Variants in PUM1 observed in about 807,000 individuals in gnomAD.
PUM1 encodes pumilio RNA binding family member 1, also known as pumilio homolog 1.
In PUM1, 13 loss-of-function variants were observed where a neutral mutation model predicts 131.8. The ratio of observed to expected loss-of-function variants is 0.10; its 90% CI spans 0.06 to 0.16. PUM1 has a LOEUF of 0.16. PUM1 is among the 10% of genes least tolerant of loss of function. The pLI, the probability that PUM1 is intolerant of heterozygous loss-of-function variation, is 1.00. For synonymous variants in PUM1, 509 were observed against 556.5 expected, an observed-to-expected ratio of 0.91 and a Z score of 1.20; for missense variants, 961 against 1,512.4, an observed-to-expected ratio of 0.64 and a Z score of 6.05.
chr1:30,970,970 CAG>C (rs1640852917), intron 10 of PUM1, among the ~76,000 whole-genome samples: 1 of 152,098 alleles, frequency 6.6e-6, no homozygotes, highest in African/African-American at 2.4e-5. Context: ...GGAAGGAAAA[CAG>C]TGTTAGCTTT....
chr1:30,978,111 G>A (rs1362734752), intron 9 of PUM1, among the ~76,000 whole-genome samples: 1 of 152,160 alleles, frequency 6.6e-6, no homozygotes, highest in African/African-American at 2.4e-5. Flanking sequence ...CAGGCGTGGT[G>A]GTGGGTGCCT....
intron 1 of PUM1, 25 bp from the exon 2 acceptor site, chr1:31,059,602 T>C (rs1221272046): frequency 6.5e-7 from 1 of 1,544,552 alleles, no homozygotes; most frequent in Non-Finnish European, 8.7e-7. Flanking sequence ...GTTACAAATA[T>C]TTAATATTTC....
At chr1:31,031,629 G>C (rs551233380) in intron 2 of PUM1, among the ~76,000 whole-genome samples, 2 of 152,268 alleles carry the variant, frequency 1.3e-5, no homozygotes, top group South Asian at 4.1e-4. Flanking sequence ...GGCAGTCAAA[G>C]GAAGTTTCCA....
At chr1:30,963,712 C>A (rs1640513358) in intron 14 of PUM1, among the ~76,000 whole-genome samples, 1 of 152,184 alleles carries the variant, frequency 6.6e-6, no homozygotes, top group South Asian at 2.1e-4. Context: ...TGGTTAAGAA[C>A]AGAATCTTCT....
intron 14 of PUM1, among the ~76,000 whole-genome samples, chr1:30,956,287 G>A (rs764718969): frequency 2.0e-5 from 3 of 150,960 alleles, no homozygotes; most frequent in East Asian, 1.9e-4. Flanking sequence ...TTTTTGAGAC[G>A]GAGTCTTGCT....
chr1:31,017,244 C>T (rs903076993), intron 3 of PUM1, among the ~76,000 whole-genome samples: 2 of 152,134 alleles, frequency 1.3e-5, no homozygotes, highest in African/African-American at 4.8e-5. Flanking sequence ...AAACCAGAGT[C>T]AAACGGACAC....
chr1:31,024,583 A>C (rs1202885294), intron 3 of PUM1, among the ~76,000 whole-genome samples: 1 of 152,240 alleles, frequency 6.6e-6, no homozygotes, highest in Non-Finnish European at 1.5e-5. Context: ...TTGTTGTAGA[A>C]ATAAGCTAGT....
At chr1:31,035,258 T>A (rs1441337756) in intron 2 of PUM1, among the ~76,000 whole-genome samples, 2 of 152,002 alleles carry the variant, frequency 1.3e-5, no homozygotes, top group African/African-American at 2.4e-5. Flanking sequence ...CCAGGCATGA[T>A]GGCACATGCC....
At chr1:30,984,443 C>A (rs1009374323) in intron 7 of PUM1, among the ~76,000 whole-genome samples, 1 of 152,116 alleles carries the variant, frequency 6.6e-6, no homozygotes, top group Non-Finnish European at 1.5e-5. Flanking sequence ...ACAAAGCAAG[C>A]GAATATCCCA....
chr1:30,968,324 A>G (rs763792726), intron 11 of PUM1, 30 bp downstream of exon 11: 2 of 1,587,628 alleles, frequency 1.3e-6, no homozygotes, highest in South Asian at 1.1e-5. Flanking sequence ...TTTCCCTGCC[A>G]AAGTATTAGG....
intron 5 of PUM1, among the ~76,000 whole-genome samples, chr1:31,000,041 C>T (rs1360848146): frequency 6.6e-6 from 1 of 152,208 alleles, no homozygotes; most frequent in African/African-American, 2.4e-5. Flanking sequence ...GCTGGGCCCA[C>T]CCTCTGCACC....
intron 2 of PUM1, among the ~76,000 whole-genome samples, chr1:31,033,620 C>T (rs1643512425): frequency 6.6e-6 from 1 of 152,068 alleles, no homozygotes; most frequent in African/African-American, 2.4e-5. Context: ...TCCAGCATGG[C>T]CTCCTAAAGT....
At chr1:31,057,638 T>C (rs1288177368) in intron 2 of PUM1, among the ~76,000 whole-genome samples, 1 of 146,990 alleles carries the variant, frequency 6.8e-6, no homozygotes, top group African/African-American at 2.5e-5. Context: ...GGCAGGAGAA[T>C]TGCTTAAACC....
intron 3 of PUM1, among the ~76,000 whole-genome samples, chr1:31,026,888 G>A (rs1300472516): frequency 2.1e-5 from 3 of 140,534 alleles, no homozygotes; most frequent in Non-Finnish European, 3.0e-5. Flanking sequence ...GGAATATACT[G>A]TTTTGTTATT....
chr1:31,023,114 C>T (rs1643094340), intron 3 of PUM1, among the ~76,000 whole-genome samples: 1 of 151,056 alleles, frequency 6.6e-6, no homozygotes, highest in South Asian at 2.1e-4. Context: ...GTTGAGGTTG[C>T]AGTGAGCTGA....
intron 8 of PUM1, among the ~76,000 whole-genome samples, chr1:30,980,742 C>T (rs1396898303): frequency 1.3e-5 from 2 of 152,046 alleles, no homozygotes; most frequent in African/African-American, 4.8e-5. Flanking sequence ...TCTACTTCTA[C>T]TTGTTTATAC....
At position 30,981,648 on chromosome 1, in the gene PUM1, A is replaced by G. The variant is rs117300729; in HGVS notation, c.1159-243T>C. ...CCATGAGCTGACCGCTTCACAGATT[A>G]TATGTCCCCTGAACCACAAATACAC... is the stretch of plus-strand genomic sequence containing the variant. On this transcript the variant is annotated intron_variant, in intron 7 of 21. Coordinates refer to ENST00000426105, the MANE Select transcript of PUM1 (RefSeq NM_001020658.2). 1.4e-3 allele frequency among the ~76,000 whole-genome samples: 208 copies of G among 151,408 alleles called. 2 individuals are homozygous for G. In the East Asian group the frequency reaches 0.039, roughly 28 times the overall value.
chr1:31,038,075 T>C (rs1570325991), intron 2 of PUM1, among the ~76,000 whole-genome samples: 1 of 139,344 alleles, frequency 7.2e-6, no homozygotes, highest in East Asian at 2.1e-4. Context: ...TGAGACTCCA[T>C]CTCAAAAAAA....
intron 3 of PUM1, among the ~76,000 whole-genome samples, chr1:31,025,180 ATTT>A (rs1643176993): frequency 6.6e-6 from 1 of 152,200 alleles, no homozygotes; most frequent in Non-Finnish European, 1.5e-5. Context: ...GGAGAGTGAT[ATTT>A]TTAAGTAGTC....
Sources: gnomAD v4.1 joint callset for allele counts (sites outside exome capture counted in the v4.1 genomes callset) on GRCh38, gnomAD v4.1.1 for gene constraint, MANE v1.5 for transcripts, NCBI Gene and HGNC (gene_info 2026-07-23, HGNC 2026-07-21) for gene names.